HS3ST5: variants seen among roughly 807,000 people sequenced by gnomAD.
HS3ST5 encodes the protein heparan sulfate glucosamine 3-O-sulfotransferase 5.
A neutral mutation model predicts 25.4 loss-of-function variants in HS3ST5; 10 were observed. That is an observed-to-expected ratio of 0.39 (90% CI 0.24 to 0.67). HS3ST5 has a LOEUF of 0.67. Ranked by LOEUF, HS3ST5 falls within the 30% of genes least tolerant of loss-of-function variation. HS3ST5 has a pLI of 0.44. For synonymous variants in HS3ST5, 170 were observed against 162.4 expected (o/e 1.05, Z -0.36); for missense variants, 324 against 420.7 (o/e 0.77, Z 2.01).
intron 3 of HS3ST5, among the ~76,000 whole-genome samples, chr6:114,110,051 G>C (rs1017312462): frequency 1.3e-5 from 2 of 152,158 alleles, no homozygotes; most frequent in Non-Finnish European, 2.9e-5. Context: ...CTCAAGGGCA[G>C]GGACCCAGAA....
At chr6:114,222,275 G>A (rs1037192769) in intron 2 of HS3ST5, among the ~76,000 whole-genome samples, 1 of 151,694 alleles carries the variant, frequency 6.6e-6, no homozygotes. Flanking sequence ...TGTTATAATT[G>A]TTTTTTATTG....
chr6:114,111,188 G>A (rs576761123), intron 3 of HS3ST5, among the ~76,000 whole-genome samples: 1 of 152,128 alleles, frequency 6.6e-6, no homozygotes, highest in African/African-American at 2.4e-5. Flanking sequence ...AAACTTCTCA[G>A]TCCATTTTGT....
At chr6:114,296,283 T>A (rs1158878159) in intron 1 of HS3ST5, among the ~76,000 whole-genome samples, 1 of 152,154 alleles carries the variant, frequency 6.6e-6, no homozygotes, top group Admixed American at 6.5e-5. Flanking sequence ...ATAGAAGTAA[T>A]CAGACCTCAC....
At chr6:114,207,726 A>C (rs944478142) in intron 2 of HS3ST5, among the ~76,000 whole-genome samples, 6 of 152,194 alleles carry the variant, frequency 3.9e-5, no homozygotes, top group African/African-American at 1.4e-4. Context: ...TTGGTGATAC[A>C]TAATACCTTA....
At chr6:114,238,375 T>C (rs773568538) in intron 1 of HS3ST5, among the ~76,000 whole-genome samples, 1 of 152,224 alleles carries the variant, frequency 6.6e-6, no homozygotes, top group Admixed American at 6.5e-5. Context: ...GTGTAGAAGA[T>C]TGGCTGTGGC....
At chr6:114,204,722 C>T (rs1288907825) in intron 2 of HS3ST5, among the ~76,000 whole-genome samples, 1 of 152,054 alleles carries the variant, frequency 6.6e-6, no homozygotes, top group Non-Finnish European at 1.5e-5. Context: ...GTCTTGTCCA[C>T]TTTGATAGAA....
At chr6:114,102,593 G>C (rs185194708) in intron 3 of HS3ST5, among the ~76,000 whole-genome samples, 8 of 152,306 alleles carry the variant, frequency 5.3e-5, no homozygotes, top group Non-Finnish European at 1.0e-4. Flanking sequence ...AAGGAAGCAA[G>C]AGGTAGACAT....
chr6:114,235,821 C>T (rs1771829825), intron 1 of HS3ST5: 1 of 152,350 alleles, frequency 6.6e-6, no homozygotes, highest in African/African-American at 2.4e-5. Context: ...TTCCCTTTGT[C>T]TGGATGGTGT....
Position 114,119,422 on chromosome 6 carries a change from C to T in HS3ST5, c.-33+48929G>A, listed in dbSNP as rs1776677407. The stretch of plus-strand genomic sequence containing the variant: ...TTTTAAAACCAACAATGTGGTCTTT[C>T]AAAAGTTGGGGAGGCAGTGAGGGGA... On this transcript the variant is annotated intron_variant, in intron 3 of 4. Transcript: ENST00000312719. 2.0e-5 allele frequency among the ~76,000 whole-genome samples: 3 copies of T among 152,056 alleles called. No individual in the cohort carries two copies. In the South Asian group the frequency reaches 6.2e-4, roughly 32 times the overall value.
chr6:114,296,623 A>G (rs1774834897), intron 1 of HS3ST5, among the ~76,000 whole-genome samples: 1 of 152,290 alleles, frequency 6.6e-6, no homozygotes, highest in East Asian at 1.9e-4. Context: ...AAAAATTCAC[A>G]CCCTGTAGGA....
intron 1 of HS3ST5, among the ~76,000 whole-genome samples, chr6:114,331,632 G>T (rs1776400532): frequency 6.6e-6 from 1 of 151,712 alleles, no homozygotes; most frequent in Non-Finnish European, 1.5e-5. Context: ...TTATATTTTT[G>T]AAACTAATTT....
intron 3 of HS3ST5, among the ~76,000 whole-genome samples, chr6:114,076,601 A>G (rs1248233028): frequency 6.6e-6 from 1 of 152,236 alleles, no homozygotes; most frequent in Non-Finnish European, 1.5e-5. Context: ...TGAGCTTTCA[A>G]TTTGCTCTGT....
intron 3 of HS3ST5, among the ~76,000 whole-genome samples, chr6:114,135,252 A>C (rs1777537921): frequency 6.6e-6 from 1 of 152,182 alleles, no homozygotes; most frequent in African/African-American, 2.4e-5. Context: ...TCCTTCCATA[A>C]TTCACAGCAC....
chr6:114,124,484 G>A (rs561665319), intron 3 of HS3ST5, among the ~76,000 whole-genome samples: 16 of 152,222 alleles, frequency 1.1e-4, no homozygotes, highest in Admixed American at 2.6e-4. Flanking sequence ...AAAATAATAC[G>A]TGAGGTTTTT....
Position 114,058,168 on chromosome 6 carries a change from CAATGGGGCA to C in HS3ST5, c.121_129del (p.Cys41_Ile43del), listed in dbSNP as rs745416517. ...GTGCGGGCTCCACCCAGTCGACCTT[CAATGGGGCA>C]AATGGGTTGTAGCCTGCAAGCAAGA... On this transcript the variant is annotated inframe_deletion, in exon 5 of 5. Coordinates refer to ENST00000312719, the MANE Select transcript of HS3ST5 (RefSeq NM_153612.4). 8.7e-6 allele frequency: 14 copies of C among 1,607,290 alleles called. No homozygotes were observed. In the African/African-American group the frequency reaches 1.9e-4, roughly 21 times the overall value.
At chr6:114,307,485 A>G (rs1158693354) in intron 1 of HS3ST5, among the ~76,000 whole-genome samples, 3 of 151,800 alleles carry the variant, frequency 2.0e-5, no homozygotes, top group Admixed American at 1.3e-4. Context: ...TTGCAATTTC[A>G]TATAGAAACT....
intron 1 of HS3ST5, among the ~76,000 whole-genome samples, chr6:114,298,381 C>T (rs1774919406): frequency 6.6e-6 from 1 of 152,206 alleles, no homozygotes; most frequent in African/African-American, 2.4e-5. Context: ...AAAACAATAA[C>T]ATCATTCTCA....
At chr6:114,219,105 T>C (rs1481556640) in intron 2 of HS3ST5, among the ~76,000 whole-genome samples, 1 of 152,224 alleles carries the variant, frequency 6.6e-6, no homozygotes. Context: ...AATGTGTAAA[T>C]GCAAATCCTC....
chr6:114,147,714 G>A (rs13199095), intron 3 of HS3ST5, among the ~76,000 whole-genome samples: 51,106 of 151,896 alleles, frequency 0.34, 9,395 homozygotes, highest in East Asian at 0.61. Context: ...CCGAGTAGCT[G>A]GGACTACAAG....
Sources: gnomAD v4.1 joint callset for allele counts (sites outside exome capture counted in the v4.1 genomes callset) on GRCh38, gnomAD v4.1.1 for gene constraint, MANE v1.5 for transcripts, NCBI Gene and HGNC (gene_info 2026-07-23, HGNC 2026-07-21) for gene names.